Variants in CPLX2 observed in about 807,000 individuals in gnomAD.
The protein encoded by CPLX2 is complexin-2.
In CPLX2, 5 loss-of-function variants were observed where a neutral mutation model predicts 16.3. That is an observed-to-expected ratio of 0.31 (90% CI 0.16 to 0.64). The LOEUF (loss-of-function observed/expected upper bound fraction) is 0.64. CPLX2 is among the 30% of genes least tolerant of loss of function. The pLI, the probability that CPLX2 is intolerant of heterozygous loss-of-function variation, is 0.79. For synonymous variants in CPLX2, 89 were observed against 73.2 expected (o/e 1.22, Z -1.10); for missense variants, 144 against 181.4 (o/e 0.79, Z 1.18).
At position 175,847,115 on chromosome 5, in the gene CPLX2, C is replaced by T. The variant is rs530832354; in HGVS notation, c.-88-31537C>T. 3.3e-5 allele frequency among the ~76,000 whole-genome samples: 5 copies of T among 152,260 alleles called. No homozygotes were observed. The South Asian group carries it at 1.0e-3, about 32-fold the overall frequency. On this transcript the variant is annotated intron_variant, in intron 2 of 4. Transcript: ENST00000359546. ...GGTGTGTAAATAAAGAGGCGTGGGG[C>T]CAAGGAGGGCTTTAGGGGCCTCGTC... is the stretch of plus-strand genomic sequence containing the variant.
intron 2 of CPLX2, among the ~76,000 whole-genome samples, chr5:175,817,551 C>G (rs954678320): frequency 6.6e-6 from 1 of 152,204 alleles, no homozygotes; most frequent in African/African-American, 2.4e-5. Context: ...AAGCTCACTA[C>G]TCTTCCTACT....
rs868466959 is a variant in CPLX2 at position 175,879,019 on chromosome 5, G to A, written c.143G>A (p.Arg48His). 3 of 1,595,044 alleles carry A rather than the reference G, an allele frequency of 1.9e-6. No homozygotes were observed. Among genetic ancestry groups the A allele is most frequent in the Admixed American group, 1.7e-5 (1 of 57,890 alleles). The stretch of plus-strand genomic sequence containing the variant: ...GCGCTGCGGCAGCAGGAGGAGGAGC[G>A]TAAGGCCAAGCACGCGCGCATGGAG... ...QEALRQQEEE[R>H]KAKHARMEAE... Residue 48 changes from arginine (R) to histidine (H), a missense_variant, in exon 3 of 4, where the codon CGT (arginine) becomes CAT (histidine). Transcript: ENST00000393745.
chr5:175,846,235 C>T (rs1759042318), intron 2 of CPLX2, among the ~76,000 whole-genome samples: 2 of 152,154 alleles, frequency 1.3e-5, no homozygotes, highest in Admixed American at 6.5e-5. Context: ...ACAGGACAGG[C>T]ATGGCAGATC....
At chr5:175,828,533 C>T (rs1033662414) in intron 2 of CPLX2, among the ~76,000 whole-genome samples, 2 of 152,182 alleles carry the variant, frequency 1.3e-5, no homozygotes, top group South Asian at 2.1e-4. Context: ...TTCCTGGAAG[C>T]GTGTAAACAG....
intron 1 of CPLX2, among the ~76,000 whole-genome samples, chr5:175,873,659 G>A (rs1440894981): frequency 6.6e-6 from 1 of 152,174 alleles, no homozygotes; most frequent in African/African-American, 2.4e-5. Flanking sequence ...GTTTGAGAGA[G>A]ATCTTCAGAA....
At chr5:175,870,553 CT>C (rs1230100140), upstream of CPLX2, among the ~76,000 whole-genome samples, 2 of 152,020 alleles carry the variant, frequency 1.3e-5, no homozygotes, top group African/African-American at 4.8e-5. Flanking sequence ...ACACATCGGG[CT>C]GGAGTAATTG....
intron 2 of CPLX2, among the ~76,000 whole-genome samples, chr5:175,824,318 T>C (rs1758567725): frequency 6.6e-6 from 1 of 152,228 alleles, no homozygotes; most frequent in Non-Finnish European, 1.5e-5. Context: ...TGAGGTGATG[T>C]CATTCCAACC....
intron 2 of CPLX2, among the ~76,000 whole-genome samples, chr5:175,812,640 C>T (rs1758334396): frequency 6.6e-6 from 1 of 152,070 alleles, no homozygotes; most frequent in African/African-American, 2.4e-5. Flanking sequence ...AGGAATTTGG[C>T]TCATGGAAAA....
rs963386497 is a variant in CPLX2, at chr5:175,852,667, G to A, written c.-88-25985G>A. ...TTCTTCCCATTTGGCTACAAGTAAC[G>A]CAGGTTCAACCTGGGGTCTTGTGCA... On this transcript the variant is annotated intron_variant, in intron 2 of 4. Coordinates refer to the CPLX2 transcript ENST00000359546. Among the ~76,000 whole-genome samples the A allele has an allele frequency of 7.2e-5, 11 of 152,332 alleles. No individual in the cohort carries two copies. In the East Asian group the frequency reaches 1.5e-3, roughly 21 times the overall value.
chr5:175,847,193 G>A (rs2113674720), intron 2 of CPLX2, among the ~76,000 whole-genome samples: 1 of 152,332 alleles, frequency 6.6e-6, no homozygotes, highest in East Asian at 1.9e-4. Flanking sequence ...AGTGCTGTGA[G>A]GCGAGGAGTA....
At position 175,882,562 on chromosome 5, in the gene CPLX2, C is replaced by T. The variant is rs1424865511; in HGVS notation, c.*2517C>T. On this transcript the variant is annotated 3_prime_UTR_variant, in exon 4 of 4. Transcript: ENST00000393745. ...TTCAGAGGGCTGCCCTGGTGTTCTC[C>T]ACAGTGCAGTCCCTCTGTATTCCCA... 6.5e-6 allele frequency: 1 copy of T among 152,700 alleles called. No homozygotes were observed. The highest frequency in any genetic ancestry group is 1.5e-5 in the Non-Finnish European group (1 of 68,082). 9.5% of individuals were successfully genotyped at this position (152,700 alleles called of 1,614,324 possible). A position where few individuals can be genotyped will look rare whatever the true frequency, so the allele number is the denominator to read the frequency against.
At chr5:175,825,376 G>A (rs919101836) in intron 2 of CPLX2, among the ~76,000 whole-genome samples, 5 of 151,014 alleles carry the variant, frequency 3.3e-5, no homozygotes, top group Admixed American at 2.0e-4. Context: ...GCGACAGAGC[G>A]AGACTCTGTC....
At chr5:175,860,204 C>T (rs1297867630) in intron 2 of CPLX2, among the ~76,000 whole-genome samples, 3 of 152,112 alleles carry the variant, frequency 2.0e-5, no homozygotes, top group Non-Finnish European at 4.4e-5. Context: ...ATACAGCCTC[C>T]TTTTGGTCAG....
chr5:175,841,471 G>C lies in CPLX2; in HGVS notation c.-89+32403G>C, dbSNP rs373921389. 1.8e-4 allele frequency among the ~76,000 whole-genome samples: 27 copies of C among 152,334 alleles called. No individual in the cohort carries two copies. In the East Asian group the frequency reaches 3.1e-3, roughly 17 times the overall value. On this transcript the variant is annotated intron_variant, in intron 2 of 4. Transcript: ENST00000359546. ...TCAGAAACAGCCTGAAGCTAGAATAGAGGCAACCAGAGCAGGGAACGTGGG... is the reference window on the plus strand; with the variant it reads ...TCAGAAACAGCCTGAAGCTAGAATACAGGCAACCAGAGCAGGGAACGTGGG...
upstream of CPLX2, chr5:175,871,464 A>AGAGAGAAAGAGAGAGAGAGAGAGG (rs1561790476): frequency 6.6e-3 from 618 of 93,298 alleles, 30 homozygotes; most frequent in African/African-American, 0.018. Flanking sequence ...AGAGAGAGAG[A>AGAGAGAAAGAGAGAGAGAGAGAGG]GAGAGAGAGA....
In CPLX2 at chr5:175,872,663, C is replaced by CCCAT. The variant is rs893216775; in HGVS notation, c.-89+959_-89+962dup. The CCCAT allele has an allele frequency of 3.9e-5, 6 of 152,364 alleles. No homozygotes were observed. The highest frequency in any genetic ancestry group is 1.4e-4 in the African/African-American group (6 of 41,580). The allele number at this position is 152,364 out of a possible 1,614,324, so 9.4% of individuals were successfully genotyped here. A position where few individuals can be genotyped will look rare whatever the true frequency, so the allele number is the denominator to read the frequency against. On this transcript the variant is annotated intron_variant, in intron 1 of 3. Transcript: ENST00000393745. The surrounding 1 kb of genome is among the most constrained non-coding windows in gnomAD (Gnocchi z 5.0). ...CCATCCTCCGCTGCCCCTCCCCTCC[C>CCCAT]CCATGCGTCTCCCATCCCGGGCCAC... is the stretch of plus-strand genomic sequence containing the variant.
intron 2 of CPLX2, among the ~76,000 whole-genome samples, chr5:175,827,321 C>T (rs1043244700): frequency 1.3e-5 from 2 of 152,198 alleles, no homozygotes; most frequent in Non-Finnish European, 2.9e-5. Flanking sequence ...TGGGGATACC[C>T]TTTCTAAAAT....
chr5:175,803,716 A>T (rs1758142108), intron 1 of CPLX2, among the ~76,000 whole-genome samples: 1 of 152,190 alleles, frequency 6.6e-6, no homozygotes, highest in African/African-American at 2.4e-5. Flanking sequence ...AATTGTGATG[A>T]AGTCACTTCC....
intron 2 of CPLX2, among the ~76,000 whole-genome samples, chr5:175,856,482 C>T (rs1291861560): frequency 6.6e-6 from 1 of 152,168 alleles, no homozygotes; most frequent in East Asian, 1.9e-4. Flanking sequence ...CATCTGAGCT[C>T]CCGCCACGCT....
Sources: gnomAD v4.1 joint callset for allele counts (sites outside exome capture counted in the v4.1 genomes callset) on GRCh38, gnomAD v4.1.1 for gene constraint, Gnocchi (gnomAD v3.1) non-coding constraint, MANE v1.5 for transcripts, NCBI Gene and HGNC (gene_info 2026-07-23, HGNC 2026-07-21) for gene names.